Variants in KCTD16 observed in about 807,000 individuals in gnomAD.
KCTD16 encodes the protein potassium channel tetramerization domain containing 16, also known as BTB/POZ domain-containing protein KCTD16.
A neutral mutation model predicts 33.2 loss-of-function variants in KCTD16; 13 were observed. That is an observed-to-expected ratio of 0.39 (90% CI 0.25 to 0.62). The LOEUF (loss-of-function observed/expected upper bound fraction) is 0.62, where lower values mean the gene tolerates loss of function less well. Among genes scored for constraint, KCTD16 ranks in the 20% least tolerant of loss-of-function variants. The pLI is 0.50. For missense variants in KCTD16, 441 were observed against 525.1 expected (o/e 0.84, Z 1.57); for synonymous variants, 197 against 195.3 (o/e 1.01, Z -0.07).
At chr5:144,292,575 C>T (rs1189921234) in intron 3 of KCTD16, among the ~76,000 whole-genome samples, 2 of 152,096 alleles carry the variant, frequency 1.3e-5, no homozygotes, top group African/African-American at 2.4e-5. Flanking sequence ...ATATGGATTA[C>T]ACCACGTTTG....
intron 2 of KCTD16, among the ~76,000 whole-genome samples, chr5:144,176,387 C>CTTT (rs368578231): frequency 1.8e-4 from 19 of 106,660 alleles, no homozygotes; most frequent in East Asian, 5.2e-4. Flanking sequence ...TATAGTGTTT[C>CTTT]TTTTTTTTTT....
chr5:144,262,412 A>G (rs566178318), intron 3 of KCTD16, among the ~76,000 whole-genome samples: 1 of 152,304 alleles, frequency 6.6e-6, no homozygotes, highest in Admixed American at 6.5e-5. Flanking sequence ...TCAACCTGTG[A>G]AGGGTTTCAA....
At chr5:144,244,393 T>C (rs1754490750) in intron 3 of KCTD16, among the ~76,000 whole-genome samples, 1 of 152,306 alleles carries the variant, frequency 6.6e-6, no homozygotes, top group Non-Finnish European at 1.5e-5. Context: ...CTAAATTGCA[T>C]TGTATAGATA....
chr5:144,354,731 A>G (rs1411930446), intron 3 of KCTD16, among the ~76,000 whole-genome samples: 1 of 152,194 alleles, frequency 6.6e-6, no homozygotes, highest in Non-Finnish European at 1.5e-5. Context: ...TGTTCAGTCT[A>G]TCTATTCGTT....
At chr5:144,344,541 A>G (rs1218041583) in intron 3 of KCTD16, among the ~76,000 whole-genome samples, 7 of 151,268 alleles carry the variant, frequency 4.6e-5, no homozygotes, top group Middle Eastern at 3.2e-3. Flanking sequence ...AAAAGTGGGC[A>G]AAGGACATGA....
In KCTD16 at chr5:144,471,507, G is replaced by C. The variant is rs373070722; in HGVS notation, c.833-2153G>C. Among the ~76,000 whole-genome samples the C allele has an allele frequency of 1.7e-4, 26 of 152,146 alleles. No individual in the cohort carries two copies. In the East Asian group the frequency reaches 4.3e-3, roughly 25 times the overall value. On this transcript the variant is annotated intron_variant, in intron 3 of 3. Transcript: ENST00000512467. ...AAAGGTTTAAAACCAGATTGTCTCT[G>C]GTTTGATGTGATTACTTTTCTTCAG...
chr5:144,296,788 AT>A (rs1199355848), intron 3 of KCTD16, among the ~76,000 whole-genome samples: 2 of 152,176 alleles, frequency 1.3e-5, no homozygotes, highest in African/African-American at 4.8e-5. Flanking sequence ...AGTAGTTCTC[AT>A]TTTTCAATTA....
chr5:144,420,374 G>T (rs577251284), intron 3 of KCTD16, among the ~76,000 whole-genome samples: 1 of 152,234 alleles, frequency 6.6e-6, no homozygotes, highest in East Asian at 1.9e-4. Flanking sequence ...CCTGCACGTT[G>T]TGCACATGTA....
chr5:144,436,735 A>G (rs1188714718), intron 3 of KCTD16, among the ~76,000 whole-genome samples: 1 of 151,694 alleles, frequency 6.6e-6, no homozygotes, highest in East Asian at 1.9e-4. Flanking sequence ...TTACAGGAGC[A>G]TGCCGCCACG....
At chr5:144,294,142 G>A (rs1168055183) in intron 3 of KCTD16, among the ~76,000 whole-genome samples, 1 of 150,686 alleles carries the variant, frequency 6.6e-6, no homozygotes, top group Non-Finnish European at 1.5e-5. Flanking sequence ...CTGAATGACA[G>A]AGTGAGACTC....
intron 3 of KCTD16, among the ~76,000 whole-genome samples, chr5:144,384,537 A>T (rs191105267): frequency 3.9e-5 from 6 of 152,302 alleles, no homozygotes; most frequent in Admixed American, 3.9e-4. Flanking sequence ...GCGAAATAAA[A>T]TTTTATTTAT....
Position 144,481,723 on chromosome 5 carries a change from A to G in KCTD16, c.*7609A>G, listed in dbSNP as rs922866173. 1 of 151,918 alleles carries G rather than the reference A, an allele frequency of 6.6e-6. No individual in the cohort carries two copies. Among genetic ancestry groups the G allele is most frequent in the Non-Finnish European group, 1.5e-5 (1 of 67,916 alleles). 9.4% of individuals were successfully genotyped at this position (151,918 alleles called of 1,614,324 possible). ...GTTGGGTACATACTATATATAGGTC[A>G]CTGTCGTGAGCATTATAATGTCTAA... is the stretch of plus-strand genomic sequence containing the variant. On this transcript the variant is annotated 3_prime_UTR_variant, in exon 4 of 4. Coordinates refer to ENST00000512467, the MANE Select transcript of KCTD16 (RefSeq NM_020768.4).
chr5:144,205,222 A>C, intron 2 of KCTD16: 1 of 256,028 alleles, frequency 3.9e-6, no homozygotes, highest in Non-Finnish European at 7.3e-6. Context: ...GCGCCTGGCA[A>C]TCGCGTGCCC....
At chr5:144,383,180 C>G (rs1448186717) in intron 3 of KCTD16, 1 of 152,118 alleles carries the variant, frequency 6.6e-6, no homozygotes, top group Non-Finnish European at 1.5e-5. Context: ...TGAAGGGGAC[C>G]TAGGGACTCT....
Position 144,206,993 on chromosome 5 carries a change from G to C in KCTD16, c.279G>C (p.Gln93His). 6.2e-7 allele frequency: 1 copy of C among 1,614,182 alleles called. No individual in the cohort carries two copies. Among genetic ancestry groups the C allele is most frequent in the Non-Finnish European group, 8.5e-7 (1 of 1,180,048 alleles). ...TTCTGGACTATCTCAGGGACAGGCA[G>C]GTGGTCCTGCCTGATCACTTTCCAG... ...RYILDYLRDR[Q>H]VVLPDHFPEK... Residue 93 changes from glutamine (Q) to histidine (H), a missense_variant, in exon 3 of 4, where the codon CAG becomes CAC. Gln to His is a conservative substitution (Grantham distance 24). Coordinates refer to ENST00000512467, the MANE Select transcript of KCTD16 (RefSeq NM_020768.4).
intron 3 of KCTD16, among the ~76,000 whole-genome samples, chr5:144,265,867 G>A (rs1056598884): frequency 2.6e-5 from 4 of 152,004 alleles, no homozygotes; most frequent in Non-Finnish European, 5.9e-5. Context: ...GTTCGTACAG[G>A]GATACTATTA....
At chr5:144,384,234 CCAT>C (rs1752276550) in intron 3 of KCTD16, 1 of 152,132 alleles carries the variant, frequency 6.6e-6, no homozygotes, top group African/African-American at 2.4e-5. Flanking sequence ...AAATGGGTTG[CCAT>C]CATTTCCTTG....
At chr5:144,451,442 T>C (rs780844440) in intron 3 of KCTD16, among the ~76,000 whole-genome samples, 1 of 152,182 alleles carries the variant, frequency 6.6e-6, no homozygotes, top group Non-Finnish European at 1.5e-5. Flanking sequence ...GTGCTGTTTC[T>C]GCCTCTCCAA....
At chr5:144,448,204 A>G (rs1402362842) in intron 3 of KCTD16, among the ~76,000 whole-genome samples, 1 of 152,110 alleles carries the variant, frequency 6.6e-6, no homozygotes, top group African/African-American at 2.4e-5. Context: ...CCAAATGACT[A>G]TTCACCTGAT....
Sources: gnomAD v4.1 joint callset for allele counts (sites outside exome capture counted in the v4.1 genomes callset) on GRCh38, gnomAD v4.1.1 for gene constraint, MANE v1.5 for transcripts, NCBI Gene and HGNC (gene_info 2026-07-23, HGNC 2026-07-21) for gene names.